Variants in GNAQ observed in about 807,000 individuals in gnomAD.
The protein encoded by GNAQ is G protein subunit alpha q, also known as guanine nucleotide-binding protein G(q) subunit alpha.
Under a neutral mutation model 43.9 loss-of-function variants are expected in GNAQ, and 8 were observed. The observed-to-expected ratio is 0.18, with a 90% confidence interval of 0.11 to 0.33. GNAQ has a LOEUF of 0.33. Among genes scored for constraint, GNAQ ranks in the 10% least tolerant of loss-of-function variants. GNAQ has a pLI of 1.00. For missense variants in GNAQ, 158 were observed against 450.8 expected, an observed-to-expected ratio of 0.35 and a Z score of 5.88; for synonymous variants, 155 against 170.7, an observed-to-expected ratio of 0.91 and a Z score of 0.71.
intron 2 of GNAQ, among the ~76,000 whole-genome samples, chr9:77,868,130 A>G (rs1357668708): frequency 6.6e-6 from 1 of 152,252 alleles, no homozygotes; most frequent in Non-Finnish European, 1.5e-5. Flanking sequence ...GTACATGTGC[A>G]TATCACAGCA....
intron 2 of GNAQ, among the ~76,000 whole-genome samples, chr9:77,876,706 T>C (rs1828130830): frequency 6.6e-6 from 1 of 152,168 alleles, no homozygotes; most frequent in African/African-American, 2.4e-5. Context: ...CCTAATAACC[T>C]ATATGATAAG....
intron 5 of GNAQ, among the ~76,000 whole-genome samples, chr9:77,729,717 T>G (rs1825457398): frequency 6.6e-6 from 1 of 152,130 alleles, no homozygotes; most frequent in Admixed American, 6.5e-5. Flanking sequence ...CAACCTCCCT[T>G]CTTAGTTCTC....
chr9:77,971,564 C>T (rs903852819), intron 1 of GNAQ, among the ~76,000 whole-genome samples: 4 of 152,138 alleles, frequency 2.6e-5, no homozygotes, highest in African/African-American at 7.2e-5. Flanking sequence ...AAAAGGCCTT[C>T]GACAAAATTC....
rs554976873 is a variant in GNAQ at position 77,802,207 on chromosome 9, T to A, written c.477-4559A>T. Among the ~76,000 whole-genome samples the A allele has an allele frequency of 3.3e-5, 5 of 152,012 alleles. No individual in the cohort carries two copies. The South Asian group carries it at 8.3e-4, about 25-fold the overall frequency. Reference sequence around the variant, plus strand: ...AAACAAAAAACAAAAAAACCCTGCATTTTTCATTGCCAAGAAGGGATCAAA... The same window carrying A: ...AAACAAAAAACAAAAAAACCCTGCAATTTTCATTGCCAAGAAGGGATCAAA... On this transcript the variant is annotated intron_variant, in intron 3 of 6. Coordinates refer to ENST00000286548, the MANE Select transcript of GNAQ (RefSeq NM_002072.5).
chr9:77,812,273 T>C (rs995335958), intron 3 of GNAQ, among the ~76,000 whole-genome samples: 1 of 152,128 alleles, frequency 6.6e-6, no homozygotes, highest in African/African-American at 2.4e-5. Flanking sequence ...AATGACAAAC[T>C]AACACAACAA....
At chr9:78,001,586 C>CTT (rs72077017) in intron 1 of GNAQ, among the ~76,000 whole-genome samples, 22 of 141,526 alleles carry the variant, frequency 1.6e-4, no homozygotes, top group African/African-American at 3.1e-4. Flanking sequence ...CTTCTTTGTA[C>CTT]TTTTTTTTTT....
At chr9:77,908,800 T>C (rs1177020301) in intron 2 of GNAQ, among the ~76,000 whole-genome samples, 2 of 152,216 alleles carry the variant, frequency 1.3e-5, no homozygotes, top group African/African-American at 4.8e-5. Context: ...TACTTTGGGC[T>C]GCTTCAGCAT....
intron 2 of GNAQ, among the ~76,000 whole-genome samples, chr9:77,917,423 C>T (rs1197514123): frequency 6.6e-6 from 1 of 151,944 alleles, no homozygotes; most frequent in African/African-American, 2.4e-5. Flanking sequence ...AGGCTTAGTA[C>T]CTGAGTGACA....
intron 1 of GNAQ, among the ~76,000 whole-genome samples, chr9:77,999,319 T>C (rs1213133671): frequency 1.3e-5 from 2 of 152,188 alleles, no homozygotes; most frequent in Non-Finnish European, 2.9e-5. Flanking sequence ...CCTGGAGGGC[T>C]AAGAAGAATC....
intron 1 of GNAQ, among the ~76,000 whole-genome samples, chr9:77,981,691 T>G (rs146676453): frequency 3.9e-5 from 6 of 152,316 alleles, no homozygotes; most frequent in African/African-American, 1.4e-4. Context: ...CTCTCAAATT[T>G]CATGATTATT....
intron 6 of GNAQ, 145 bp downstream of exon 6, chr9:77,728,369 A>G: frequency 1.2e-5 from 8 of 675,242 alleles, no homozygotes; most frequent in Non-Finnish European, 2.1e-5. Context: ...AGGGCAAACA[A>G]GAATTCCTAC....
intron 1 of GNAQ, among the ~76,000 whole-genome samples, chr9:78,014,894 T>C (rs548506200): frequency 3.3e-5 from 5 of 152,322 alleles, no homozygotes; most frequent in Admixed American, 2.6e-4. Flanking sequence ...AAGATTATAA[T>C]GGAGCTGAAA....
chr9:77,730,626 A>G (rs930661700), intron 5 of GNAQ, among the ~76,000 whole-genome samples: 2 of 152,250 alleles, frequency 1.3e-5, no homozygotes, highest in African/African-American at 4.8e-5. Flanking sequence ...TAAAATTAAT[A>G]AAATATGCGG....
At chr9:77,868,260 T>C (rs900254188) in intron 2 of GNAQ, among the ~76,000 whole-genome samples, 23 of 152,170 alleles carry the variant, frequency 1.5e-4, no homozygotes, top group African/African-American at 4.6e-4. Context: ...AATACAAACA[T>C]TCTTGGTGTT....
chr9:77,832,364 C>A (rs1827313180), intron 2 of GNAQ, among the ~76,000 whole-genome samples: 1 of 152,090 alleles, frequency 6.6e-6, no homozygotes. Context: ...AAGTAGATAT[C>A]CGGCTCTGCA....
chr9:77,815,538 A>C (rs1163172761), intron 3 of GNAQ, 78 bp downstream of exon 3: 1 of 912,020 alleles, frequency 1.1e-6, no homozygotes, highest in Non-Finnish European at 1.7e-6. Context: ...GGACAGAATA[A>C]AGAAGTTATG....
chr9:77,787,886 C>T (rs899397492), intron 5 of GNAQ, among the ~76,000 whole-genome samples: 5 of 152,022 alleles, frequency 3.3e-5, no homozygotes, highest in African/African-American at 7.2e-5. Context: ...AAAAATTAGC[C>T]GGGCATGGTG....
chr9:77,889,913 C>T (rs1828373467), intron 2 of GNAQ, among the ~76,000 whole-genome samples: 2 of 152,132 alleles, frequency 1.3e-5, no homozygotes, highest in Admixed American at 6.5e-5. Context: ...TTCCAGTTAT[C>T]CGAAATGTTT....
chr9:77,860,021 A>G (rs1481568246), intron 2 of GNAQ, among the ~76,000 whole-genome samples: 2 of 152,220 alleles, frequency 1.3e-5, no homozygotes, highest in African/African-American at 2.4e-5. Flanking sequence ...AACAGAAAGG[A>G]AAGAAATGAT....
Sources: allele counts gnomAD v4.1 joint callset (sites outside exome capture counted in the v4.1 genomes callset), GRCh38; gene constraint gnomAD v4.1.1; transcripts MANE v1.5; gene names NCBI Gene and HGNC (gene_info 2026-07-23, HGNC 2026-07-21).